Variants in MOB3B observed in about 807,000 individuals in gnomAD.
MOB3B encodes the protein MOB kinase activator 3B, also known as MOB kinase activator-like 2B.
MOB3B carries 7 observed loss-of-function variants against 18.7 expected under a neutral mutation model. That is an observed-to-expected ratio of 0.37 (90% CI 0.21 to 0.70). The LOEUF is 0.70. Among genes scored for constraint, MOB3B ranks in the 30% least tolerant of loss-of-function variants. The probability of loss-of-function intolerance (pLI) is 0.52; values close to 1 mark genes in which losing one functional copy is unlikely to be tolerated. For missense variants in MOB3B, 253 were observed against 281.3 expected (o/e 0.90, Z 0.72); for synonymous variants, 111 against 99.9 (o/e 1.11, Z -0.66).
rs963968225 is a variant in MOB3B at position 27,408,193 on chromosome 9, T to C, written c.418+46940A>G. Among the ~76,000 whole-genome samples the C allele has an allele frequency of 5.3e-5, 8 of 152,192 alleles. 1 individual carries two copies. The highest frequency in any genetic ancestry group is 1.9e-4 in the African/African-American group (8 of 41,458). The stretch of plus-strand genomic sequence containing the variant: ...GACTTTTTACCCCATGAAAGCTGCA[T>C]GGTTTAAATACAATAGAGGTGACTC... On this transcript the variant is annotated intron_variant, in intron 2 of 3. Coordinates refer to ENST00000262244, the MANE Select transcript of MOB3B (RefSeq NM_024761.5).
At chr9:27,465,138 TTCCACCTA>T (rs1819359466) in intron 1 of MOB3B, among the ~76,000 whole-genome samples, 1 of 152,232 alleles carries the variant, frequency 6.6e-6, no homozygotes, top group Admixed American at 6.5e-5. Flanking sequence ...GGCAAGTCCC[TTCCACCTA>T]TAAGCCTGCA....
intron 1 of MOB3B, among the ~76,000 whole-genome samples, chr9:27,511,054 G>A (rs1281475474): frequency 6.6e-6 from 1 of 152,126 alleles, no homozygotes; most frequent in Non-Finnish European, 1.5e-5. Flanking sequence ...CTGACCGCAT[G>A]GAGAGGGAAA....
intron 2 of MOB3B, among the ~76,000 whole-genome samples, chr9:27,409,737 T>C (rs1822035991): frequency 6.6e-6 from 1 of 152,102 alleles, no homozygotes; most frequent in Non-Finnish European, 1.5e-5. Context: ...ATATATAAAA[T>C]GAAATATTAA....
chr9:27,498,437 C>G (rs1358633209), intron 1 of MOB3B, among the ~76,000 whole-genome samples: 1 of 152,074 alleles, frequency 6.6e-6, no homozygotes, highest in Non-Finnish European at 1.5e-5. Context: ...GAGGGGTGGG[C>G]TGGTTCTGCC....
At chr9:27,430,811 G>A (rs908837488) in intron 2 of MOB3B, among the ~76,000 whole-genome samples, 4 of 151,468 alleles carry the variant, frequency 2.6e-5, no homozygotes, top group Non-Finnish European at 4.4e-5. Context: ...GAAAGTAGGC[G>A]CAACAACTCC....
Position 27,326,203 on chromosome 9 carries a change from A to G in MOB3B, c.*4384T>C, listed in dbSNP as rs1262113674. On this transcript the variant is annotated 3_prime_UTR_variant, in exon 4 of 4. Transcript: ENST00000262244. ...TTCATGTTCACTGCTGGTCACAGCC[A>G]TAACAGAGAGTGATGTGGAGAGCTT... The G allele has an allele frequency of 8.4e-6, 3 of 356,700 alleles. No homozygotes were observed. The highest frequency in any genetic ancestry group is 1.5e-4 in the South Asian group (1 of 6,672). 22.1% of individuals were successfully genotyped at this position (356,700 alleles called of 1,614,324 possible). A position where few individuals can be genotyped will look rare whatever the true frequency, so the allele number is the denominator to read the frequency against.
At chr9:27,409,650 CATT>C in intron 2 of MOB3B, among the ~76,000 whole-genome samples, 1 of 152,104 alleles carries the variant, frequency 6.6e-6, no homozygotes, top group Non-Finnish European at 1.5e-5. Context: ...CATCTAGTAG[CATT>C]ACTTACAATA....
chr9:27,524,367 T>C, intron 1 of MOB3B: 1 of 1,603,786 alleles, frequency 6.2e-7, no homozygotes, highest in African/African-American at 1.4e-5. Flanking sequence ...GATTCAAAAG[T>C]GTTTGTGGCT....
intron 2 of MOB3B, among the ~76,000 whole-genome samples, chr9:27,398,162 A>G (rs1004838378): frequency 6.6e-6 from 1 of 152,206 alleles, no homozygotes; most frequent in Non-Finnish European, 1.5e-5. Context: ...ATGTGTTGTT[A>G]TCTTCATTTC....
intron 1 of MOB3B, among the ~76,000 whole-genome samples, chr9:27,474,821 G>A (rs1385383644): frequency 3.3e-5 from 5 of 152,146 alleles, no homozygotes; most frequent in African/African-American, 7.2e-5. Flanking sequence ...TAAAACATGC[G>A]TACTTTTTCC....
At chr9:27,527,373 T>C (rs940551042) in intron 1 of MOB3B, among the ~76,000 whole-genome samples, 3 of 152,156 alleles carry the variant, frequency 2.0e-5, no homozygotes, top group African/African-American at 7.2e-5. Context: ...TGCTTTTTTT[T>C]CTTTTCCTGG....
intron 1 of MOB3B, among the ~76,000 whole-genome samples, chr9:27,488,282 G>T (rs748269010): frequency 1.3e-5 from 2 of 152,198 alleles, no homozygotes; most frequent in Non-Finnish European, 2.9e-5. Context: ...AAGGGTAACG[G>T]TAACTCAGAA....
chr9:27,521,716 A>C (rs994918011), intron 1 of MOB3B, among the ~76,000 whole-genome samples: 2 of 152,098 alleles, frequency 1.3e-5, no homozygotes, highest in Non-Finnish European at 2.9e-5. Flanking sequence ...GTGTAATTAT[A>C]AGTATATATA....
rs74178386 is a variant in MOB3B, at chr9:27,405,093, C to CTTTTTTTTTTTTTTTTTTTTTTTT, written c.419-45881_419-45858dup. 6.2e-5 allele frequency among the ~76,000 whole-genome samples: 3 copies of CTTTTTTTTTTTTTTTTTTTTTTTT among 48,416 alleles called. 1 individual carries two copies. Among genetic ancestry groups the CTTTTTTTTTTTTTTTTTTTTTTTT allele is most frequent in the African/African-American group, 1.8e-4 (2 of 11,332 alleles). The allele number at this position is 48,416 out of a possible 152,430, so 31.8% of individuals were successfully genotyped here. ...AGAAATATCTATTCAGAACCTTTGT[C>CTTTTTTTTTTTTTTTTTTTTTTTT]TTTTTTTTTTTTTTTTTTTTTTTTT... On this transcript the variant is annotated intron_variant, in intron 2 of 3. Transcript: ENST00000262244.
intron 2 of MOB3B, among the ~76,000 whole-genome samples, chr9:27,415,418 CT>C (rs61328557): frequency 2.8e-4 from 41 of 147,884 alleles, no homozygotes; most frequent in Admixed American, 3.4e-4. Context: ...GAACTATGTA[CT>C]TTTTTTTTTT....
At chr9:27,430,669 T>C (rs146137999) in intron 2 of MOB3B, among the ~76,000 whole-genome samples, 276 of 152,282 alleles carry the variant, frequency 1.8e-3, no homozygotes, top group African/African-American at 6.4e-3. Context: ...AAAGAAGAAT[T>C]CGTCCAGGCG....
intron 3 of MOB3B, among the ~76,000 whole-genome samples, chr9:27,338,482 T>C (rs10967901): frequency 0.61 from 92,203 of 151,952 alleles, 28,834 homozygotes; most frequent in African/African-American, 0.75. Flanking sequence ...GCTTTGAAGG[T>C]GAGTGTCTGA....
intron 3 of MOB3B, among the ~76,000 whole-genome samples, chr9:27,336,793 C>A (rs937109328): frequency 6.6e-6 from 1 of 152,092 alleles, no homozygotes; most frequent in African/African-American, 2.4e-5. Flanking sequence ...TGCGTACACA[C>A]CCCTGAAGTA....
At chr9:27,497,788 C>T (rs944942840) in intron 1 of MOB3B, among the ~76,000 whole-genome samples, 1 of 152,004 alleles carries the variant, frequency 6.6e-6, no homozygotes, top group Non-Finnish European at 1.5e-5. Flanking sequence ...GTTAACTTAC[C>T]ACATACATTT....
Sources: allele counts gnomAD v4.1 joint callset (sites outside exome capture counted in the v4.1 genomes callset), GRCh38; gene constraint gnomAD v4.1.1; transcripts MANE v1.5; gene names NCBI Gene and HGNC (gene_info 2026-07-23, HGNC 2026-07-21).